The following PAWR variants were observed in gnomAD, a reference collection of about 807,000 sequenced individuals.
PAWR encodes PRKC apoptosis WT1 regulator protein.
A neutral mutation model predicts 32.0 loss-of-function variants in PAWR; 23 were observed. The ratio of observed to expected loss-of-function variants is 0.72; its 90% CI spans 0.52 to 1.02. PAWR has a LOEUF of 1.02. PAWR is among the 50% of genes least tolerant of loss of function. The probability of loss-of-function intolerance (pLI) is 0.00; values close to 1 mark genes in which losing one functional copy is unlikely to be tolerated. For synonymous variants in PAWR, 226 were observed against 187.1 expected, an observed-to-expected ratio of 1.21 and a Z score of -1.70; for missense variants, 457 against 437.7, an observed-to-expected ratio of 1.04 and a Z score of -0.39.
At chr12:79,686,247 A>C (rs1046899130) in intron 2 of PAWR, among the ~76,000 whole-genome samples, 2 of 152,006 alleles carry the variant, frequency 1.3e-5, no homozygotes, top group Non-Finnish European at 2.9e-5. Context: ...AACTTCACAA[A>C]CCCCCTGGAA....
chr12:79,637,416 T>C (rs899527098), intron 2 of PAWR, among the ~76,000 whole-genome samples: 5 of 152,136 alleles, frequency 3.3e-5, no homozygotes, highest in African/African-American at 9.6e-5. Context: ...AGTCCTTCTT[T>C]TATCTAGCAT....
At chr12:79,623,728 A>G (rs1193685646) in intron 2 of PAWR, among the ~76,000 whole-genome samples, 1 of 152,198 alleles carries the variant, frequency 6.6e-6, no homozygotes, top group African/African-American at 2.4e-5. Context: ...TAAAATTCCA[A>G]TCAAAATCAT....
In PAWR at chr12:79,653,443, A is replaced by C. The variant is rs78260971; in HGVS notation, c.517-32236T>G. On this transcript the variant is annotated intron_variant, in intron 2 of 6. Transcript: ENST00000328827. ...TATGTTTTTAAATTGCTGCAATTTC[A>C]ATTTTCTTAAATATTTTTCAGTGAA... Among the ~76,000 whole-genome samples, 656 of 152,166 alleles carry C rather than the reference A, an allele frequency of 4.3e-3. 15 individuals are homozygous for C. The East Asian group carries it at 0.065, about 15-fold the overall frequency.
chr12:79,656,151 AG>A (rs1877084195), intron 2 of PAWR, among the ~76,000 whole-genome samples: 1 of 152,256 alleles, frequency 6.6e-6, no homozygotes, highest in Non-Finnish European at 1.5e-5. Flanking sequence ...GAGGGAGCAA[AG>A]ACGAAAACAC....
At chr12:79,685,008 A>C (rs1399604590) in intron 2 of PAWR, among the ~76,000 whole-genome samples, 1 of 152,214 alleles carries the variant, frequency 6.6e-6, no homozygotes, top group Non-Finnish European at 1.5e-5. Context: ...GGTGAGAATT[A>C]AATGCACTAA....
intron 2 of PAWR, among the ~76,000 whole-genome samples, chr12:79,661,677 T>C (rs1877357976): frequency 6.6e-6 from 1 of 152,166 alleles, no homozygotes; most frequent in African/African-American, 2.4e-5. Flanking sequence ...TTTAAAGACA[T>C]TATTACATAC....
chr12:79,647,034 G>A (rs1565688747), intron 2 of PAWR, among the ~76,000 whole-genome samples: 1 of 151,940 alleles, frequency 6.6e-6, no homozygotes. Flanking sequence ...AATTAGCTGG[G>A]TGTGGTGGCA....
At chr12:79,650,940 T>C (rs993967757) in intron 2 of PAWR, among the ~76,000 whole-genome samples, 4 of 152,216 alleles carry the variant, frequency 2.6e-5, no homozygotes, top group Admixed American at 2.6e-4. Context: ...CAAGTTACCA[T>C]ACAAGTGCTT....
chr12:79,646,089 G>C (rs1876561470), intron 2 of PAWR, among the ~76,000 whole-genome samples: 1 of 151,848 alleles, frequency 6.6e-6, no homozygotes, highest in African/African-American at 2.4e-5. Flanking sequence ...TTCAGAGTTT[G>C]GAATATTTGC....
At chr12:79,596,813 C>A in intron 4 of PAWR, 155 bp from the exon 5 acceptor site, 1 of 519,818 alleles carries the variant, frequency 1.9e-6, no homozygotes, top group Non-Finnish European at 3.3e-6. Context: ...TCATTATTCC[C>A]ACACAATGAA....
At chr12:79,670,375 C>T (rs1451849151) in intron 2 of PAWR, among the ~76,000 whole-genome samples, 2 of 151,892 alleles carry the variant, frequency 1.3e-5, no homozygotes, top group Non-Finnish European at 2.9e-5. Flanking sequence ...AAATCTGTTA[C>T]TGAAATCAAA....
intron 2 of PAWR, among the ~76,000 whole-genome samples, chr12:79,676,299 A>G (rs904609720): frequency 5.9e-5 from 9 of 152,172 alleles, no homozygotes; most frequent in African/African-American, 2.2e-4. Flanking sequence ...TTCTTCACCC[A>G]TAATTAATAA....
At chr12:79,643,473 T>C (rs1038276922) in intron 2 of PAWR, among the ~76,000 whole-genome samples, 1 of 152,168 alleles carries the variant, frequency 6.6e-6, no homozygotes, top group African/African-American at 2.4e-5. Flanking sequence ...TTAAATGCTA[T>C]TTGAAAGTAC....
intron 3 of PAWR, among the ~76,000 whole-genome samples, chr12:79,616,753 TAACTC>T (rs1874757960): frequency 1.3e-5 from 2 of 151,670 alleles, no homozygotes; most frequent in Admixed American, 6.6e-5. Flanking sequence ...ACTTAAAACA[TAACTC>T]AGTAAGTTTT....
intron 2 of PAWR, among the ~76,000 whole-genome samples, chr12:79,659,187 C>G (rs908581420): frequency 1.1e-4 from 16 of 151,718 alleles, no homozygotes; most frequent in African/African-American, 3.1e-4. Context: ...GTCCCAGCTA[C>G]TTGGGCTAAG....
intron 2 of PAWR, among the ~76,000 whole-genome samples, chr12:79,656,916 A>G (rs943725953): frequency 6.6e-6 from 1 of 152,180 alleles, no homozygotes; most frequent in Non-Finnish European, 1.5e-5. Context: ...CCTGAATTGA[A>G]AAGATGGAAA....
At chr12:79,599,087 A>T (rs1305217529) in intron 4 of PAWR, among the ~76,000 whole-genome samples, 1 of 152,206 alleles carries the variant, frequency 6.6e-6, no homozygotes. Flanking sequence ...AAAATAAAGA[A>T]TAAGGCCATC....
chr12:79,643,341 A>C (rs967218579), intron 2 of PAWR, among the ~76,000 whole-genome samples: 1 of 152,168 alleles, frequency 6.6e-6, no homozygotes, highest in African/African-American at 2.4e-5. Flanking sequence ...TCAAAGAAGT[A>C]ATGAAAATAT....
intron 2 of PAWR, among the ~76,000 whole-genome samples, chr12:79,630,802 A>T (rs1875583278): frequency 6.6e-6 from 1 of 151,820 alleles, no homozygotes; most frequent in South Asian, 2.1e-4. Context: ...ATTCTTCTAG[A>T]TGGAAGAAAT....
Sources: gnomAD v4.1 joint callset for allele counts (sites outside exome capture counted in the v4.1 genomes callset) on GRCh38, gnomAD v4.1.1 for gene constraint, MANE v1.5 for transcripts, NCBI Gene and HGNC (gene_info 2026-07-23, HGNC 2026-07-21) for gene names.